The following WWC1 variants were observed in gnomAD, a reference collection of about 807,000 sequenced individuals.
WWC1 encodes protein KIBRA.
WWC1 carries 55 observed loss-of-function variants against 138.4 expected under a neutral mutation model. That is an observed-to-expected ratio of 0.40 (90% CI 0.32 to 0.50). WWC1 has a LOEUF of 0.50. Among genes scored for constraint, WWC1 ranks in the 20% least tolerant of loss-of-function variants. The probability of loss-of-function intolerance (pLI) is 0.72; values close to 1 mark genes in which losing one functional copy is unlikely to be tolerated. For missense variants in WWC1, 1,226 were observed against 1,420.4 expected, an observed-to-expected ratio of 0.86 and a Z score of 2.20; for synonymous variants, 524 against 564.9, an observed-to-expected ratio of 0.93 and a Z score of 1.03.
chr5:168,354,036 G>A (rs1230818420), intron 1 of WWC1, among the ~76,000 whole-genome samples: 2 of 152,030 alleles, frequency 1.3e-5, no homozygotes, highest in Non-Finnish European at 2.9e-5. Context: ...CCAAAAATGA[G>A]TGCTTTTTCT....
intron 6 of WWC1, among the ~76,000 whole-genome samples, chr5:168,408,119 C>T (rs1442476178): frequency 4.0e-5 from 6 of 150,632 alleles, no homozygotes; most frequent in Admixed American, 6.7e-5. Flanking sequence ...CCTCCCAGCT[C>T]GGCCTCTCAA....
chr5:168,354,223 G>C (rs1289749216), intron 1 of WWC1, among the ~76,000 whole-genome samples: 1 of 151,972 alleles, frequency 6.6e-6, no homozygotes, highest in African/African-American at 2.4e-5. Context: ...GCTGTTTTTT[G>C]TATTTTTAGT....
At chr5:168,402,826 C>T (rs1779406372) in intron 5 of WWC1, among the ~76,000 whole-genome samples, 1 of 152,094 alleles carries the variant, frequency 6.6e-6, no homozygotes, top group Non-Finnish European at 1.5e-5. Flanking sequence ...AAATGTAAGG[C>T]CCCTTTTTCA....
chr5:168,464,677 G>A (rs1167037603), intron 20 of WWC1, 52 bp from the exon 21 acceptor site: 5 of 1,606,794 alleles, frequency 3.1e-6, no homozygotes, highest in Non-Finnish European at 3.4e-6. Flanking sequence ...AGGCTGGGTG[G>A]GCTCACTGGG....
At chr5:168,339,874 T>TCC (rs1214569606) in intron 1 of WWC1, among the ~76,000 whole-genome samples, 2 of 145,508 alleles carry the variant, frequency 1.4e-5, no homozygotes, top group African/African-American at 5.4e-5. Context: ...TCTCTCTCTC[T>TCC]CCCTCTCTCC....
At chr5:168,431,487 T>TGGCTGACC in intron 15 of WWC1, 43 bp downstream of exon 15, 1 of 1,551,686 alleles carries the variant, frequency 6.4e-7, no homozygotes, top group African/African-American at 1.4e-5. Flanking sequence ...GCTGGCTGGC[T>TGGCTGACC]GGCTGGCTGG....
chr5:168,357,257 GT>G (rs1029804020), intron 1 of WWC1, among the ~76,000 whole-genome samples: 91 of 151,686 alleles, frequency 6.0e-4, no homozygotes, highest in Middle Eastern at 3.4e-3. Flanking sequence ...GGTTACAACT[GT>G]TAATAAGATA....
chr5:168,380,069 G>A (rs1777499919), intron 2 of WWC1, among the ~76,000 whole-genome samples: 1 of 152,142 alleles, frequency 6.6e-6, no homozygotes, highest in African/African-American at 2.4e-5. Context: ...GAAAAGACAA[G>A]CCACAGATAA....
At chr5:168,408,729 T>TTC in intron 7 of WWC1, 76 bp downstream of exon 7, 1 of 1,573,256 alleles carries the variant, frequency 6.4e-7, no homozygotes, top group Admixed American at 1.7e-5. Flanking sequence ...GACAGCTGCC[T>TTC]TCTCATGGCT....
chr5:168,384,170 T>C (rs75734147), intron 2 of WWC1, among the ~76,000 whole-genome samples: 2 of 151,944 alleles, frequency 1.3e-5, no homozygotes, highest in African/African-American at 4.8e-5. Context: ...AACACTTATT[T>C]CTGTGTGACT....
At chr5:168,367,346 T>A (rs1051646827) in intron 1 of WWC1, among the ~76,000 whole-genome samples, 1 of 152,098 alleles carries the variant, frequency 6.6e-6, no homozygotes, top group Admixed American at 6.6e-5. Context: ...TACTTATTTA[T>A]TTTGAGACGG....
At chr5:168,391,745 A>G (rs1296801445) in intron 3 of WWC1, among the ~76,000 whole-genome samples, 1 of 131,106 alleles carries the variant, frequency 7.6e-6, no homozygotes, top group East Asian at 2.2e-4. Context: ...TATCAGATAA[A>G]ATATATTTTT....
chr5:168,366,173 G>A (rs1475744554), intron 1 of WWC1, among the ~76,000 whole-genome samples: 1 of 152,262 alleles, frequency 6.6e-6, no homozygotes, highest in Non-Finnish European at 1.5e-5. Context: ...GCCAGGAAGA[G>A]TGAGTGTGTG....
Position 168,461,673 on chromosome 5 carries a change from G to A in WWC1, c.2916+931G>A, listed in dbSNP as rs116932028. 3.5e-4 allele frequency among the ~76,000 whole-genome samples: 54 copies of A among 152,300 alleles called. 1 individual carries two copies. The East Asian group carries it at 6.0e-3, about 17-fold the overall frequency. On this transcript the variant is annotated intron_variant, in intron 20 of 22. Coordinates refer to ENST00000265293, the MANE Select transcript of WWC1 (RefSeq NM_015238.3). Reference sequence around the variant, plus strand: ...ATTAAGGGCTGCAGGAGATGCAGGGGGCCCTCCCGACTTTGGGCTTTCAAC... The same window carrying A: ...ATTAAGGGCTGCAGGAGATGCAGGGAGCCCTCCCGACTTTGGGCTTTCAAC...
chr5:168,385,206 T>A lies in WWC1; in HGVS notation c.230-5T>A. 1 of 1,614,040 alleles carries A rather than the reference T, an allele frequency of 6.2e-7. No homozygotes were observed. The highest frequency in any genetic ancestry group is 8.5e-7 in the Non-Finnish European group (1 of 1,179,980). On this transcript the variant is annotated splice_polypyrimidine_tract_variant and splice_region_variant and intron_variant, in intron 2 of 22. Transcript: ENST00000265293. ...CTGACCTAGAATCTCTGGGGTCTGT[T>A]CCAGAAACCACTCAGATTGAGGATC...
At chr5:168,414,160 T>G in intron 8 of WWC1, 188 bp from the exon 9 acceptor site, 1 of 734,694 alleles carries the variant, frequency 1.4e-6, no homozygotes. Flanking sequence ...GCCTACTTCA[T>G]TGTTGGCACA....
Position 168,423,394 on chromosome 5 carries a change from A to AGTGGGG in WWC1, c.1275-135_1275-130dup, listed in dbSNP as rs1168229451. On this transcript the variant is annotated intron_variant, in intron 10 of 22. Coordinates refer to ENST00000265293, the MANE Select transcript of WWC1 (RefSeq NM_015238.3). ...TTCTTGGGGTATCAGTTTTCCATGA[A>AGTGGGG]GTGGGGGTGAAGGGTCTACCCTAGA... The AGTGGGG allele has an allele frequency of 1.7e-4, 159 of 921,068 alleles. No individual in the cohort carries two copies. In the African/African-American group the frequency reaches 2.2e-3, roughly 13 times the overall value. 57.1% of individuals were successfully genotyped at this position (921,068 alleles called of 1,614,324 possible). A position where few individuals can be genotyped will look rare whatever the true frequency, so the allele number is the denominator to read the frequency against.
Position 168,471,539 on chromosome 5 carries a change from AC to A in WWC1, c.*2526del, listed in dbSNP as rs1757672525. ...TTTGAGGAGGCTGCTCTCTTTGCTG[AC>A]CCCATGATCTTTTCTGCCCTTCTGT... On this transcript the variant is annotated 3_prime_UTR_variant, in exon 23 of 23. Transcript: ENST00000265293. The A allele has an allele frequency of 6.6e-6, 1 of 152,252 alleles. No individual in the cohort carries two copies. Among genetic ancestry groups the A allele is most frequent in the Admixed American group, 6.5e-5 (1 of 15,282 alleles). The allele number at this position is 152,252 out of a possible 1,614,324, so 9.4% of individuals were successfully genotyped here.
intron 9 of WWC1, among the ~76,000 whole-genome samples, chr5:168,417,229 C>T (rs1780728631): frequency 6.6e-6 from 1 of 152,150 alleles, no homozygotes; most frequent in African/African-American, 2.4e-5. Context: ...CTTAAAGTTA[C>T]AGTTAGCAAG....
Sources: gnomAD v4.1 joint callset for allele counts (sites outside exome capture counted in the v4.1 genomes callset) on GRCh38, gnomAD v4.1.1 for gene constraint, MANE v1.5 for transcripts, NCBI Gene and HGNC (gene_info 2026-07-23, HGNC 2026-07-21) for gene names.